The following PSIP1 variants were observed in gnomAD, a reference collection of about 807,000 sequenced individuals.
PSIP1 encodes the protein PC4 and SRSF1 interacting protein 1.
A neutral mutation model predicts 74.7 loss-of-function variants in PSIP1; 19 were observed. That is an observed-to-expected ratio of 0.25 (90% CI 0.18 to 0.37). The LOEUF is 0.37. PSIP1 is among the 10% of genes least tolerant of loss of function. The pLI is 1.00. For missense variants in PSIP1, 601 were observed against 614.3 expected (o/e 0.98, Z 0.23); for synonymous variants, 222 against 195.3 (o/e 1.14, Z -1.14).
At chr9:15,503,058 C>T (rs1166530988) in intron 3 of PSIP1, among the ~76,000 whole-genome samples, 1 of 152,174 alleles carries the variant, frequency 6.6e-6, no homozygotes, top group Non-Finnish European at 1.5e-5. Flanking sequence ...ACTATTTATG[C>T]AAAATCCAAA....
intron 6 of PSIP1, among the ~76,000 whole-genome samples, chr9:15,484,517 G>C (rs925240827): frequency 6.6e-6 from 1 of 151,842 alleles, no homozygotes; most frequent in Non-Finnish European, 1.5e-5. Context: ...TTGAGGCCAG[G>C]AGTTCAAGAC....
chr9:15,477,535 A>T (rs1443749347), intron 8 of PSIP1, among the ~76,000 whole-genome samples: 1 of 152,138 alleles, frequency 6.6e-6, no homozygotes, highest in Non-Finnish European at 1.5e-5. Flanking sequence ...AAACAATGTA[A>T]ATCTATGCTT....
At chr9:15,506,696 C>T (rs2795128) in intron 2 of PSIP1, 59 bp from the exon 3 acceptor site, 65,226 of 1,304,030 alleles carry the variant, frequency 0.05, 2,082 homozygotes, top group African/African-American at 0.14. Flanking sequence ...CAACATTTAT[C>T]TGAATAAACA....
intron 6 of PSIP1, among the ~76,000 whole-genome samples, chr9:15,479,916 G>A: frequency 6.6e-6 from 1 of 152,008 alleles, no homozygotes. Flanking sequence ...TAGAAATGAA[G>A]TCATTTGTAA....
chr9:15,494,019 G>C (rs993803952), intron 3 of PSIP1, among the ~76,000 whole-genome samples: 3 of 152,124 alleles, frequency 2.0e-5, no homozygotes, highest in African/African-American at 7.2e-5. Flanking sequence ...AAAGCTAGAC[G>C]TAAGTATGTT....
At chr9:15,491,637 A>G (rs1252340028) in intron 3 of PSIP1, among the ~76,000 whole-genome samples, 3 of 152,262 alleles carry the variant, frequency 2.0e-5, no homozygotes, top group Non-Finnish European at 4.4e-5. Flanking sequence ...ATCTGAAGTC[A>G]GAAATCCATT....
chr9:15,508,206 T>C (rs989121569), intron 2 of PSIP1, among the ~76,000 whole-genome samples: 3 of 152,170 alleles, frequency 2.0e-5, no homozygotes, highest in African/African-American at 7.2e-5. Context: ...AAAGCAAAAA[T>C]TGCAACAAGA....
At chr9:15,465,876 T>G (rs1225362120) in intron 15 of PSIP1, 1 of 292,938 alleles carries the variant, frequency 3.4e-6, no homozygotes, top group Non-Finnish European at 6.3e-6. Context: ...TGAATTCTCT[T>G]TAAAGAACAT....
chr9:15,502,308 A>T (rs1018393644), intron 3 of PSIP1, among the ~76,000 whole-genome samples: 1 of 152,226 alleles, frequency 6.6e-6, no homozygotes, highest in African/African-American at 2.4e-5. Flanking sequence ...CACTACAGAC[A>T]TAACCATCTT....
rs2035730216 is a variant in PSIP1 at position 15,468,690 on chromosome 9, T to G, written c.1360A>C (p.Asn454His). 1.2e-6 allele frequency: 2 copies of G among 1,614,020 alleles called. No homozygotes were observed. Among genetic ancestry groups the G allele is most frequent in the African/African-American group, 2.7e-5 (2 of 74,926 alleles). Reference protein sequence around the residue: ...LAEQRQHEEANKTKDQGKKGP... With the variant: ...LAEQRQHEEAHKTKDQGKKGP... ...TTCTTCCCTTGATCTTTGGTTTTATTCGCTTCCTCATGCTGTCTTTGTTCA... is the reference window on the plus strand; with the variant it reads ...TTCTTCCCTTGATCTTTGGTTTTATGCGCTTCCTCATGCTGTCTTTGTTCA... Residue 454 changes from asparagine (N) to histidine (H), a missense_variant, in exon 14 of 16, where the codon AAT (asparagine) becomes CAT (histidine). By Grantham distance (68) the Asn-to-His change is moderately conservative. This residue lies in a region of PSIP1 where 538 missense variants were observed against 507.6 expected (regional missense o/e 1.06). Coordinates refer to ENST00000380733, the MANE Select transcript of PSIP1 (RefSeq NM_033222.5).
intron 2 of PSIP1, among the ~76,000 whole-genome samples, chr9:15,508,671 T>C (rs906577564): frequency 6.6e-6 from 1 of 152,184 alleles, no homozygotes; most frequent in Non-Finnish European, 1.5e-5. Flanking sequence ...TGAAAAAGTA[T>C]ATCAGAGGGG....
chr9:15,487,737 A>G (rs953243579), intron 4 of PSIP1, among the ~76,000 whole-genome samples: 2 of 152,210 alleles, frequency 1.3e-5, no homozygotes, highest in East Asian at 1.9e-4. Flanking sequence ...CATTCAACAA[A>G]TATTTAGTGA....
At chr9:15,477,233 A>C (rs887423700) in intron 8 of PSIP1, among the ~76,000 whole-genome samples, 4 of 152,160 alleles carry the variant, frequency 2.6e-5, no homozygotes, top group Non-Finnish European at 5.9e-5. Context: ...ACAGGTAAAA[A>C]TTCTATGTGT....
rs2132018870 is a variant in PSIP1, at chr9:15,464,366, A to G, written c.*1154T>C. 1 of 194,986 alleles carries G rather than the reference A, an allele frequency of 5.1e-6. No homozygotes were observed. Among genetic ancestry groups the G allele is most frequent in the South Asian group, 1.9e-4 (1 of 5,184 alleles). 12.1% of individuals were successfully genotyped at this position (194,986 alleles called of 1,614,324 possible). A position where few individuals can be genotyped will look rare whatever the true frequency, so the allele number is the denominator to read the frequency against. ...AATTTCAAAACATGAGAAGTATCCT[A>G]CTTGCTGAGAAGTGCCAAATGACCC... On this transcript the variant is annotated 3_prime_UTR_variant, in exon 16 of 16. Coordinates refer to ENST00000380733, the MANE Select transcript of PSIP1 (RefSeq NM_033222.5).
chr9:15,483,117 G>A (rs908955577), intron 6 of PSIP1, among the ~76,000 whole-genome samples: 5 of 151,962 alleles, frequency 3.3e-5, no homozygotes, highest in African/African-American at 1.2e-4. Context: ...TCAATAAACC[G>A]TTCTCCTTTG....
At chr9:15,498,481 G>T (rs1434818072) in intron 3 of PSIP1, among the ~76,000 whole-genome samples, 1 of 151,334 alleles carries the variant, frequency 6.6e-6, no homozygotes, top group African/African-American at 2.4e-5. Context: ...CTCTTAATGA[G>T]ACTCAAAAAT....
chr9:15,490,682 CAAAAA>C (rs869054621), intron 3 of PSIP1, among the ~76,000 whole-genome samples: 3 of 57,318 alleles, frequency 5.2e-5, no homozygotes, highest in African/African-American at 1.2e-4. Flanking sequence ...GACTCTGTCT[CAAAAA>C]AAAAAAAAAA....
intron 2 of PSIP1, among the ~76,000 whole-genome samples, chr9:15,507,188 A>G (rs1345447697): frequency 6.6e-6 from 1 of 152,234 alleles, no homozygotes; most frequent in East Asian, 1.9e-4. Context: ...CCTGAATCAC[A>G]TGAGGCTACC....
At chr9:15,501,077 CAAGAT>C (rs1238243477) in intron 3 of PSIP1, among the ~76,000 whole-genome samples, 3 of 151,916 alleles carry the variant, frequency 2.0e-5, no homozygotes, top group African/African-American at 7.3e-5. Flanking sequence ...GATTCTGAGG[CAAGAT>C]AATATTATCC....
Sources: gnomAD v4.1 joint callset for allele counts (sites outside exome capture counted in the v4.1 genomes callset) on GRCh38, gnomAD v4.1.1 for gene constraint, gnomAD v4.1.1 regional missense constraint, MANE v1.5 for transcripts, NCBI Gene and HGNC (gene_info 2026-07-23, HGNC 2026-07-21) for gene names.